ADAMTS18: variants seen among roughly 807,000 people sequenced by gnomAD.
ADAMTS18 encodes ADAM metallopeptidase with thrombospondin type 1 motif 18.
A neutral mutation model predicts 165.9 loss-of-function variants in ADAMTS18; 157 were observed. The observed-to-expected ratio is 0.95, with a 90% confidence interval of 0.83 to 1.08. The LOEUF (loss-of-function observed/expected upper bound fraction) is 1.08, where lower values mean the gene tolerates loss of function less well. Ranked by LOEUF, ADAMTS18 falls within the 50% of genes least tolerant of loss-of-function variation. The probability of loss-of-function intolerance (pLI) is 0.00; values close to 1 mark genes in which losing one functional copy is unlikely to be tolerated. For synonymous variants in ADAMTS18, 782 were observed against 578.2 expected, an observed-to-expected ratio of 1.35 and a Z score of -5.06; for missense variants, 2,040 against 1,534.0, an observed-to-expected ratio of 1.33 and a Z score of -5.51.
intron 3 of ADAMTS18, among the ~76,000 whole-genome samples, chr16:77,414,686 ATTAT>A: frequency 6.6e-6 from 1 of 152,210 alleles, no homozygotes; most frequent in Non-Finnish European, 1.5e-5. Flanking sequence ...TTCTGTTGTC[ATTAT>A]TTAAAAATAA....
At chr16:77,334,746 CTG>C (rs2056269361) in intron 12 of ADAMTS18, among the ~76,000 whole-genome samples, 2 of 111,346 alleles carry the variant, frequency 1.8e-5, no homozygotes, top group African/African-American at 3.5e-5. Flanking sequence ...AGTATATATA[CTG>C]TATACTATAG....
Position 77,283,965 on chromosome 16 carries a change from C to A in ADAMTS18, c.3657G>T (p.Arg1219Ser). 1.2e-6 allele frequency: 2 copies of A among 1,613,528 alleles called. No homozygotes were observed. The highest frequency in any genetic ancestry group is 1.7e-6 in the Non-Finnish European group (2 of 1,179,594). ...GGGGAGGACACCAAGATCAGATCTTCCTTGTGCATGACTTGCAGCATTGTT... is the reference window on the plus strand; with the variant it reads ...GGGGAGGACACCAAGATCAGATCTTACTTGTGCATGACTTGCAGCATTGTT... Reference protein sequence around the residue: ...YGKQCCKSCTRKI With the variant: ...YGKQCCKSCTSKI The change falls in exon 23 of 23, where the codon AGG (arginine) becomes AGT (serine). Residue 1219 changes from arginine to serine, a missense_variant. Transcript: ENST00000282849.
At chr16:77,430,715 C>T (rs146742239) in intron 3 of ADAMTS18, among the ~76,000 whole-genome samples, 1 of 152,140 alleles carries the variant, frequency 6.6e-6, no homozygotes, top group East Asian at 1.9e-4. Flanking sequence ...TAACACTGGT[C>T]CCAAATGCTT....
At chr16:77,308,578 G>GA (rs58305642) in intron 16 of ADAMTS18, among the ~76,000 whole-genome samples, 120 of 146,456 alleles carry the variant, frequency 8.2e-4, no homozygotes, top group African/African-American at 2.1e-3. Context: ...AGCTAATCAT[G>GA]AAAAAAAAAA....
At chr16:77,420,685 T>C (rs1452275885) in intron 3 of ADAMTS18, among the ~76,000 whole-genome samples, 1 of 152,220 alleles carries the variant, frequency 6.6e-6, no homozygotes, top group Non-Finnish European at 1.5e-5. Flanking sequence ...TGTGACAAGA[T>C]GTAGAGATAT....
At chr16:77,343,235 G>A (rs937004345) in intron 10 of ADAMTS18, among the ~76,000 whole-genome samples, 9 of 151,978 alleles carry the variant, frequency 5.9e-5, no homozygotes, top group African/African-American at 2.2e-4. Context: ...CACCATGTCC[G>A]GCCACTTTTT....
intron 7 of ADAMTS18, 62 bp downstream of exon 7, chr16:77,362,043 G>C: frequency 1.3e-6 from 2 of 1,575,488 alleles, no homozygotes; most frequent in Non-Finnish European, 1.7e-6. Flanking sequence ...ATCATCCATA[G>C]AAAGTTTCCA....
intron 3 of ADAMTS18, among the ~76,000 whole-genome samples, chr16:77,430,885 T>G (rs1452251936): frequency 6.6e-6 from 1 of 152,196 alleles, no homozygotes; most frequent in Admixed American, 6.5e-5. Context: ...AGGTTGATCT[T>G]ACCAGTGCTG....
At chr16:77,399,899 C>T (rs962714102) in intron 3 of ADAMTS18, among the ~76,000 whole-genome samples, 2 of 152,112 alleles carry the variant, frequency 1.3e-5, no homozygotes, top group Non-Finnish European at 1.5e-5. Flanking sequence ...TTACAGATAG[C>T]TTTGTCTGTA....
intron 16 of ADAMTS18, among the ~76,000 whole-genome samples, chr16:77,301,269 A>G (rs906949083): frequency 7.5e-6 from 1 of 132,664 alleles, no homozygotes; most frequent in Non-Finnish European, 1.6e-5. Context: ...AGCTGCCTAT[A>G]TTTTCATTGA....
chr16:77,334,571 ATAG>A (rs1284888542), intron 12 of ADAMTS18, among the ~76,000 whole-genome samples: 63 of 112,482 alleles, frequency 5.6e-4, no homozygotes, highest in African/African-American at 2.2e-3. Context: ...AGTAGTATAT[ATAG>A]TATATATTAT....
intron 22 of ADAMTS18, among the ~76,000 whole-genome samples, 163 bp downstream of exon 22, chr16:77,289,101 G>C (rs1354253215): frequency 2.0e-5 from 3 of 152,172 alleles, no homozygotes; most frequent in Non-Finnish European, 2.9e-5. Context: ...AACTTCCCCA[G>C]AGTGGTGCCT....
intron 3 of ADAMTS18, among the ~76,000 whole-genome samples, chr16:77,427,334 T>TTTG (rs1405453250): frequency 1.3e-5 from 2 of 152,198 alleles, no homozygotes; most frequent in African/African-American, 4.8e-5. Context: ...AACATGCAAG[T>TTTG]TTGTTCTGTT....
At chr16:77,428,986 C>G (rs1221818346) in intron 3 of ADAMTS18, among the ~76,000 whole-genome samples, 1 of 152,164 alleles carries the variant, frequency 6.6e-6, no homozygotes, top group East Asian at 1.9e-4. Context: ...CCCCAAACTG[C>G]TGGTGGGGGT....
intron 3 of ADAMTS18, among the ~76,000 whole-genome samples, chr16:77,401,778 A>C (rs1323517872): frequency 6.6e-6 from 1 of 152,186 alleles, no homozygotes; most frequent in Non-Finnish European, 1.5e-5. Flanking sequence ...GACAGAACGA[A>C]AATGAAGAGG....
chr16:77,331,506 A>G (rs562940887), intron 12 of ADAMTS18, among the ~76,000 whole-genome samples: 1 of 152,318 alleles, frequency 6.6e-6, no homozygotes, highest in East Asian at 1.9e-4. Flanking sequence ...TGTTATTAAA[A>G]CAATAACCTG....
At chr16:77,426,007 C>T (rs1183794383) in intron 3 of ADAMTS18, among the ~76,000 whole-genome samples, 1 of 152,008 alleles carries the variant, frequency 6.6e-6, no homozygotes, top group African/African-American at 2.4e-5. Context: ...GATCGCTGCA[C>T]TCCAGCCTGG....
intron 3 of ADAMTS18, among the ~76,000 whole-genome samples, chr16:77,393,854 G>T (rs896304036): frequency 6.6e-6 from 1 of 152,204 alleles, no homozygotes; most frequent in Non-Finnish European, 1.5e-5. Context: ...TTGGCTGTAG[G>T]TCCATTCTTT....
chr16:77,334,792 A>AC (rs1266669598), intron 12 of ADAMTS18, among the ~76,000 whole-genome samples: 4 of 22,028 alleles, frequency 1.8e-4, no homozygotes, highest in African/African-American at 1.1e-3. Context: ...TACAGTAAAT[A>AC]TACTATATAC....
Sources: allele counts gnomAD v4.1 joint callset (sites outside exome capture counted in the v4.1 genomes callset), GRCh38; gene constraint gnomAD v4.1.1; transcripts MANE v1.5; gene names NCBI Gene and HGNC (gene_info 2026-07-23, HGNC 2026-07-21).